DSCAML1: variants seen among roughly 807,000 people sequenced by gnomAD.
The protein encoded by DSCAML1 is cell adhesion molecule DSCAML1.
In DSCAML1, 38 loss-of-function variants were observed where a neutral mutation model predicts 200.5. That is an observed-to-expected ratio of 0.19 (90% CI 0.15 to 0.25). The LOEUF (loss-of-function observed/expected upper bound fraction) is 0.25, where lower values mean the gene tolerates loss of function less well. DSCAML1 is among the 10% of genes least tolerant of loss of function. The pLI is 1.00. For synonymous variants in DSCAML1, 1,215 were observed against 1,165.0 expected (o/e 1.04, Z -0.87); for missense variants, 2,223 against 2,858.8 (o/e 0.78, Z 5.07).
At chr11:117,728,517 G>T (rs1222602344) in intron 3 of DSCAML1, among the ~76,000 whole-genome samples, 1 of 118,806 alleles carries the variant, frequency 8.4e-6, no homozygotes, top group African/African-American at 2.6e-5. Context: ...ATTTGTAGAT[G>T]ATGTAATCCT....
At chr11:117,474,170 A>G (rs765427692) in intron 14 of DSCAML1, among the ~76,000 whole-genome samples, 10 of 152,176 alleles carry the variant, frequency 6.6e-5, no homozygotes, top group African/African-American at 1.9e-4. Flanking sequence ...TCCTCCTGCG[A>G]CATCAGTGCT....
Position 117,463,395 on chromosome 11 carries a change from G to T in DSCAML1, c.3265+1547C>A. Among the ~76,000 whole-genome samples the T allele has an allele frequency of 6.7e-6, 1 of 148,860 alleles. No individual in the cohort carries two copies. The highest frequency in any genetic ancestry group is 1.5e-5 in the Non-Finnish European group (1 of 67,470). The stretch of plus-strand genomic sequence containing the variant: ...TTTTTTTTTTTAGAGATGGGGTCTT[G>T]CTGTATTGTCCATGCTGGACACCCG... On this transcript the variant is annotated intron_variant, in intron 17 of 32. Transcript: ENST00000651296. The surrounding 1 kb of genome is among the most constrained non-coding windows in gnomAD (Gnocchi z 4.0).
At chr11:117,591,573 C>G (rs1173203213) in intron 3 of DSCAML1, among the ~76,000 whole-genome samples, 3 of 152,218 alleles carry the variant, frequency 2.0e-5, no homozygotes, top group African/African-American at 7.2e-5. Flanking sequence ...GAAGTAGGAA[C>G]CAGTGCTTCT....
At chr11:117,515,782 G>A (rs1386633979) in intron 8 of DSCAML1, among the ~76,000 whole-genome samples, 5 of 151,738 alleles carry the variant, frequency 3.3e-5, no homozygotes, top group African/African-American at 4.8e-5. Flanking sequence ...CACCACGCCC[G>A]GCTAATTTTT....
At chr11:117,663,853 C>A (rs935261551) in intron 3 of DSCAML1, among the ~76,000 whole-genome samples, 1 of 152,206 alleles carries the variant, frequency 6.6e-6, no homozygotes. Flanking sequence ...CAGAGCACCA[C>A]TTACACAACA....
intron 3 of DSCAML1, among the ~76,000 whole-genome samples, chr11:117,629,115 T>C (rs78696556): frequency 0.016 from 2,385 of 152,168 alleles, 30 homozygotes; most frequent in East Asian, 0.059. Flanking sequence ...AAATGGCATA[T>C]TGATCAGTGC....
rs2055136340 is a variant in DSCAML1 at position 117,776,805 on chromosome 11, A to C, written c.497T>G (p.Val166Gly). The C allele has an allele frequency of 6.2e-7, 1 of 1,614,054 alleles. No homozygotes were observed. The highest frequency in any genetic ancestry group is 8.5e-7 in the Non-Finnish European group (1 of 1,180,010). Residue 166 changes from valine to glycine, a missense_variant, in exon 3 of 33, where the codon GTC becomes GGC. This residue lies in a region of DSCAML1 where 579 missense variants were observed against 721.5 expected (regional missense o/e 0.80). Coordinates refer to ENST00000651296, the MANE Select transcript of DSCAML1 (RefSeq NM_020693.4). Reference protein sequence around the residue: ...VSVVSWEKDTVSIIPEHRFFI... With the variant: ...VSVVSWEKDTGSIIPEHRFFI... ...ACGCTTCTTACCTGGGATGATGGAG[A>C]CTGTGTCTTTCTCCCAAGATACAAC...
rs751796435 is a variant in DSCAML1 at position 117,437,530 on chromosome 11, C to G, written c.4433-121G>C. 16 of 1,231,870 alleles carry G rather than the reference C, an allele frequency of 1.3e-5. No individual in the cohort carries two copies. Among genetic ancestry groups the G allele is most frequent in the Non-Finnish European group, 1.8e-5 (16 of 880,248 alleles). 76.3% of individuals were successfully genotyped at this position (1,231,870 alleles called of 1,614,324 possible). Reference sequence around the variant, plus strand: ...GGATGGCAGTGGCTCCAGGAGAATACATGTTTGGCACAGATGGGGTGGGGA... The same window carrying G: ...GGATGGCAGTGGCTCCAGGAGAATAGATGTTTGGCACAGATGGGGTGGGGA... On this transcript the variant is annotated intron_variant, in intron 25 of 32. Transcript: ENST00000651296. This position sits in a 1 kb window ranked among gnomAD's most constrained non-coding sequence, Gnocchi z 5.3.
intron 1 of DSCAML1, among the ~76,000 whole-genome samples, chr11:117,786,143 A>G (rs945696042): frequency 2.6e-5 from 4 of 152,208 alleles, no homozygotes; most frequent in Admixed American, 6.5e-5. Context: ...TACCGAAAGA[A>G]AGAAGAGGAG....
chr11:117,719,299 A>G (rs1161204504), intron 3 of DSCAML1, among the ~76,000 whole-genome samples: 1 of 152,192 alleles, frequency 6.6e-6, no homozygotes, highest in East Asian at 1.9e-4. Flanking sequence ...AAACTAAAAA[A>G]TAAAATATAA....
chr11:117,740,825 G>T (rs1306110499), intron 3 of DSCAML1, among the ~76,000 whole-genome samples: 2 of 152,200 alleles, frequency 1.3e-5, no homozygotes, highest in South Asian at 2.1e-4. Flanking sequence ...CTGCACACTC[G>T]CATCTCCAGA....
At chr11:117,487,334 CAGAG>C (rs761745575) in intron 11 of DSCAML1, among the ~76,000 whole-genome samples, 78 of 152,092 alleles carry the variant, frequency 5.1e-4, no homozygotes, top group East Asian at 1.7e-3. Context: ...GAACATGTGA[CAGAG>C]AGGGGATTTC....
rs761444189 is a variant in DSCAML1, at chr11:117,797,020, C to T, written c.46+14G>A. On this transcript the variant is annotated intron_variant, in intron 1 of 32. Coordinates refer to ENST00000651296, the MANE Select transcript of DSCAML1 (RefSeq NM_020693.4). ...CCGCCGCCTCCGCCGCCCAGCCGCC[C>T]GCGCAGGTCTCACCTTTGTGTAAAG... 4 of 1,437,942 alleles carry T rather than the reference C, an allele frequency of 2.8e-6. No homozygotes were observed. The highest frequency in any genetic ancestry group is 2.8e-5 in the East Asian group (1 of 35,546). 89.1% of individuals were successfully genotyped at this position (1,437,942 alleles called of 1,614,324 possible).
intron 3 of DSCAML1, among the ~76,000 whole-genome samples, chr11:117,658,727 A>C (rs1366590461): frequency 6.6e-6 from 1 of 152,212 alleles, no homozygotes; most frequent in Non-Finnish European, 1.5e-5. Flanking sequence ...GGATAAGCAC[A>C]TTTTTGAGTG....
chr11:117,589,494 C>A (rs1026800004), intron 3 of DSCAML1, among the ~76,000 whole-genome samples: 4 of 152,096 alleles, frequency 2.6e-5, no homozygotes, highest in Non-Finnish European at 5.9e-5. Context: ...TTCTTAGACA[C>A]GGCAAATGGT....
intron 3 of DSCAML1, among the ~76,000 whole-genome samples, chr11:117,726,644 C>G (rs569420757): frequency 1.3e-5 from 2 of 152,024 alleles, no homozygotes; most frequent in African/African-American, 4.8e-5. Context: ...ACTCTTTCTT[C>G]GCAAGATCTA....
At chr11:117,661,732 C>G (rs2052857821) in intron 3 of DSCAML1, among the ~76,000 whole-genome samples, 1 of 152,198 alleles carries the variant, frequency 6.6e-6, no homozygotes, top group South Asian at 2.1e-4. Flanking sequence ...GGGCACCTCT[C>G]TCTCATTTTC....
intron 4 of DSCAML1, among the ~76,000 whole-genome samples, chr11:117,530,051 C>T (rs1351386828): frequency 2.0e-5 from 3 of 152,128 alleles, no homozygotes; most frequent in Non-Finnish European, 4.4e-5. Flanking sequence ...CTTTCCTGTG[C>T]CCCATGCCAA....
At chr11:117,595,298 A>G (rs1375971732) in intron 3 of DSCAML1, among the ~76,000 whole-genome samples, 1 of 152,182 alleles carries the variant, frequency 6.6e-6, no homozygotes, top group African/African-American at 2.4e-5. Context: ...ATAGAATACC[A>G]ATTTGTTGTA....
Sources: gnomAD v4.1 joint callset for allele counts (sites outside exome capture counted in the v4.1 genomes callset) on GRCh38, gnomAD v4.1.1 for gene constraint, gnomAD v4.1.1 regional missense constraint, Gnocchi (gnomAD v3.1) non-coding constraint, MANE v1.5 for transcripts, NCBI Gene and HGNC (gene_info 2026-07-23, HGNC 2026-07-21) for gene names.